Variants in PTGER3 observed in about 807,000 individuals in gnomAD.
The protein encoded by PTGER3 is prostaglandin E receptor 3.
In PTGER3, 22 loss-of-function variants were observed where a neutral mutation model predicts 34.7. The observed-to-expected ratio is 0.63, with a 90% CI of 0.45 to 0.91. The LOEUF is 0.91. Among genes scored for constraint, PTGER3 ranks in the 40% least tolerant of loss-of-function variants. The pLI is 0.00. For synonymous variants in PTGER3, 241 were observed against 230.1 expected, an observed-to-expected ratio of 1.05 and a Z score of -0.43; for missense variants, 468 against 519.4, an observed-to-expected ratio of 0.90 and a Z score of 0.96.
intron 4 of PTGER3, among the ~76,000 whole-genome samples, chr1:70,879,663 T>A (rs983552196): frequency 2.6e-5 from 4 of 152,212 alleles, no homozygotes; most frequent in African/African-American, 9.6e-5. Flanking sequence ...TCTGTTCCTT[T>A]ACTTTGAATC....
At chr1:71,024,365 G>C (rs1658693631) in intron 1 of PTGER3, among the ~76,000 whole-genome samples, 2 of 151,956 alleles carry the variant, frequency 1.3e-5, no homozygotes, top group Non-Finnish European at 2.9e-5. Context: ...TCTTCATATG[G>C]ATTCCCATAA....
intron 1 of PTGER3, among the ~76,000 whole-genome samples, chr1:71,037,079 C>T (rs1334494670): frequency 6.6e-6 from 1 of 152,130 alleles, no homozygotes; most frequent in East Asian, 1.9e-4. Context: ...CAAGCACAGA[C>T]CCAGTACAGT....
exon 4 of PTGER3, chr1:70,952,614 T>A (rs1238581803): frequency 9.6e-7 from 1 of 1,041,126 alleles, no homozygotes; most frequent in African/African-American, 1.7e-5. Flanking sequence ...ATTACCAGCA[T>A]GCATATGAAA....
intron 2 of PTGER3, chr1:71,008,649 T>G (rs970726510): frequency 2.0e-6 from 2 of 983,900 alleles, no homozygotes; most frequent in Non-Finnish European, 2.4e-6. Context: ...CAGCACTTTG[T>G]TGCAACTCAG....
intron 4 of PTGER3, among the ~76,000 whole-genome samples, chr1:70,867,522 AC>A (rs2100519870): frequency 6.6e-6 from 1 of 152,208 alleles, no homozygotes; most frequent in East Asian, 1.9e-4. Flanking sequence ...GGAATTCGAG[AC>A]CAGCCTGGCC....
At position 71,009,913 on chromosome 1, in the gene PTGER3, T is replaced by C. The variant is rs981189158; in HGVS notation, c.1077+2392A>G. 1.6e-5 allele frequency: 16 copies of C among 985,132 alleles called. No individual in the cohort carries two copies. The African/African-American group carries it at 2.8e-4, about 17-fold the overall frequency. 61.0% of individuals were successfully genotyped at this position (985,132 alleles called of 1,614,324 possible). A position where few individuals can be genotyped will look rare whatever the true frequency, so the allele number is the denominator to read the frequency against. ...CTCTGAAATCTAACCTCAACCATCA[T>C]GAAAAGGCTGAAATCATTTGGGATT... On this transcript the variant is annotated intron_variant, in intron 2 of 3. Transcript: ENST00000306666.
chr1:70,875,910 G>A (rs1414356189), intron 4 of PTGER3, among the ~76,000 whole-genome samples: 1 of 152,132 alleles, frequency 6.6e-6, no homozygotes, highest in Non-Finnish European at 1.5e-5. Context: ...ACGCACCCAT[G>A]AGTCTTTATG....
intron 4 of PTGER3, among the ~76,000 whole-genome samples, chr1:70,891,182 T>C (rs1046352023): frequency 6.6e-6 from 1 of 152,238 alleles, no homozygotes; most frequent in African/African-American, 2.4e-5. Flanking sequence ...AGTGCCTTTG[T>C]TGTCTCTGGC....
chr1:70,930,727 G>A (rs1420733064), intron 4 of PTGER3, among the ~76,000 whole-genome samples: 1 of 152,106 alleles, frequency 6.6e-6, no homozygotes, highest in Non-Finnish European at 1.5e-5. Context: ...CATGAGAACA[G>A]CATGAGGGAA....
chr1:70,978,129 T>C (rs1476344888), intron 2 of PTGER3, among the ~76,000 whole-genome samples: 1 of 152,116 alleles, frequency 6.6e-6, no homozygotes, highest in Non-Finnish European at 1.5e-5. Context: ...AGCAGTCTAG[T>C]TCCAAAACAC....
chr1:70,986,340 G>A (rs550679131), intron 2 of PTGER3, among the ~76,000 whole-genome samples: 1 of 152,234 alleles, frequency 6.6e-6, no homozygotes, highest in Non-Finnish European at 1.5e-5. Context: ...GACTCACCCT[G>A]AAGTCTTTCT....
chr1:70,964,114 A>G (rs756040154), intron 2 of PTGER3, among the ~76,000 whole-genome samples: 1 of 152,192 alleles, frequency 6.6e-6, no homozygotes, highest in Non-Finnish European at 1.5e-5. Context: ...CATTGTCCAC[A>G]TCACTATCAG....
chr1:70,868,532 G>A (rs1002517760), intron 4 of PTGER3, among the ~76,000 whole-genome samples: 2 of 152,088 alleles, frequency 1.3e-5, no homozygotes, highest in Admixed American at 1.3e-4. Flanking sequence ...ATGTCATTAG[G>A]GAAGCTTGTG....
chr1:71,038,183 C>T (rs985346750), intron 1 of PTGER3, among the ~76,000 whole-genome samples: 1 of 152,130 alleles, frequency 6.6e-6, no homozygotes. Flanking sequence ...AGCATATTCT[C>T]AACCATAGAA....
chr1:71,029,970 GTAAA>G (rs142298833), intron 1 of PTGER3, among the ~76,000 whole-genome samples: 15,686 of 148,104 alleles, frequency 0.11, 1,047 homozygotes, highest in East Asian at 0.23. Flanking sequence ...AACAAAATAA[GTAAA>G]TAAATAAATA....
intron 4 of PTGER3, among the ~76,000 whole-genome samples, chr1:70,879,474 C>G (rs1322575882): frequency 6.6e-6 from 1 of 152,012 alleles, no homozygotes; most frequent in Non-Finnish European, 1.5e-5. Flanking sequence ...GGTCGAACTC[C>G]CAAACTCTAA....
intron 4 of PTGER3, among the ~76,000 whole-genome samples, chr1:70,939,976 C>A (rs545802162): frequency 6.6e-6 from 1 of 152,324 alleles, no homozygotes; most frequent in South Asian, 2.1e-4. Context: ...TTTTCTATCA[C>A]ATAGTCAGGC....
chr1:70,974,426 G>T (rs187890488), intron 2 of PTGER3, 38 bp from the exon 3 acceptor site: 36 of 828,236 alleles, frequency 4.3e-5, no homozygotes, highest in Admixed American at 3.7e-4. Context: ...ACACTTCCTT[G>T]AGTATTTTTA....
intron 4 of PTGER3, among the ~76,000 whole-genome samples, chr1:70,896,680 TCA>T (rs1370524052): frequency 1.3e-5 from 2 of 152,180 alleles, no homozygotes; most frequent in Admixed American, 1.3e-4. Context: ...GTTCTTAAAA[TCA>T]CAGAGTCTGA....
Sources: allele counts gnomAD v4.1 joint callset (sites outside exome capture counted in the v4.1 genomes callset), GRCh38; gene constraint gnomAD v4.1.1; transcripts MANE v1.5; gene names NCBI Gene and HGNC (gene_info 2026-07-23, HGNC 2026-07-21).